Variants in ARPIN observed in about 807,000 individuals in gnomAD.
The protein encoded by ARPIN is actin related protein 2/3 complex inhibitor, also known as UPF0552 protein C15orf38.
In ARPIN, 23 loss-of-function variants were observed where a neutral mutation model predicts 25.9. The ratio of observed to expected loss-of-function variants is 0.89; its 90% CI spans 0.64 to 1.26. The LOEUF is 1.26. Among genes scored for constraint, ARPIN ranks in the 50% most tolerant of loss-of-function variants. ARPIN has a pLI of 0.00. For missense variants in ARPIN, 333 were observed against 312.2 expected (o/e 1.07, Z -0.50); for synonymous variants, 126 against 131.4 (o/e 0.96, Z 0.28).
intron 1 of ARPIN, chr15:89,912,191 T>G (rs1897236542): frequency 1.0e-6 from 1 of 985,276 alleles, no homozygotes. Flanking sequence ...TTTGTCTTTC[T>G]GTATCTGGCT....
rs2141911690 is a variant in ARPIN, at chr15:89,895,369, A to T, written c.*6426T>A. 1 of 152,344 alleles carries T rather than the reference A, an allele frequency of 6.6e-6. No individual in the cohort carries two copies. Among genetic ancestry groups the T allele is most frequent in the Middle Eastern group, 3.4e-3 (1 of 296 alleles). 9.4% of individuals were successfully genotyped at this position (152,344 alleles called of 1,614,324 possible). Reference sequence around the variant, plus strand: ...AGGCAAATACACCAAAATATGAATCATGTATCTGATGGAATGGCAGAGTCA... The same window carrying T: ...AGGCAAATACACCAAAATATGAATCTTGTATCTGATGGAATGGCAGAGTCA... On this transcript the variant is annotated 3_prime_UTR_variant, in exon 6 of 6. Transcript: ENST00000357484.
chr15:89,909,727 C>G (rs1009264825), intron 2 of ARPIN, among the ~76,000 whole-genome samples: 1 of 152,166 alleles, frequency 6.6e-6, no homozygotes, highest in Non-Finnish European at 1.5e-5. Flanking sequence ...TCAGGACAGG[C>G]TGAGGGCCCA....
At position 89,908,350 on chromosome 15, in the gene ARPIN, C is replaced by T. The variant is rs745830126; in HGVS notation, c.231G>A (p.Lys77=). ...TGAAGTTGGGCTCGATTTCATTTCC[C>T]TTGGCGTCGAATTTACGGCGATGGA... ...SHIHRRKFDA[K]GNEIEPNFSA... is the part of the protein sequence containing the mutation. The change falls in exon 3 of 6, where the codon AAG becomes AAA. Residue 77 remains lysine, a synonymous_variant. Coordinates refer to ENST00000357484, the MANE Select transcript of ARPIN (RefSeq NM_182616.4). 6.8e-6 allele frequency: 11 copies of T among 1,614,176 alleles called. No individual in the cohort carries two copies. Among genetic ancestry groups the T allele is most frequent in the Middle Eastern group, 1.6e-4 (1 of 6,062 alleles).
chr15:89,895,923 CTG>C lies in ARPIN; in HGVS notation c.*5870_*5871del, dbSNP rs1297161895. 1 of 152,342 alleles carries C rather than the reference CTG, an allele frequency of 6.6e-6. No homozygotes were observed. The highest frequency in any genetic ancestry group is 1.5e-5 in the Non-Finnish European group (1 of 68,276). 9.4% of individuals were successfully genotyped at this position (152,342 alleles called of 1,614,324 possible). ...TGTTTGTTTGAGATGGAGTCTCACT[CTG>C]TTGCCCAGGCTGGAGTGCAGTGGCA... On this transcript the variant is annotated 3_prime_UTR_variant, in exon 6 of 6. Coordinates refer to ENST00000357484, the MANE Select transcript of ARPIN (RefSeq NM_182616.4).
intron 3 of ARPIN, among the ~76,000 whole-genome samples, chr15:89,905,035 T>C (rs1897094921): frequency 6.6e-6 from 1 of 151,804 alleles, no homozygotes; most frequent in South Asian, 2.1e-4. Context: ...TTTTTTTTTT[T>C]TTTTGAGATG....
At chr15:89,907,022 G>A (rs1897131978) in intron 3 of ARPIN, among the ~76,000 whole-genome samples, 2 of 151,480 alleles carry the variant, frequency 1.3e-5, no homozygotes, top group African/African-American at 2.4e-5. Context: ...ATGGAGTATG[G>A]ACATAATGCC....
Position 89,903,209 on chromosome 15 carries a change from T to C in ARPIN, c.672+7A>G, listed in dbSNP as rs1897052395. ...GAGATACAACTGCACCAACACCAGG[T>C]ACCTACCCACTCCTCGTCCTCTGCC... On this transcript the variant is annotated splice_region_variant and intron_variant, in intron 5 of 5. Coordinates refer to ENST00000357484, the MANE Select transcript of ARPIN (RefSeq NM_182616.4). 5 of 1,614,126 alleles carry C rather than the reference T, an allele frequency of 3.1e-6. No individual in the cohort carries two copies. The highest frequency in any genetic ancestry group is 4.2e-6 in the Non-Finnish European group (5 of 1,180,026).
chr15:89,902,774 T>C (rs1897043805), intron 5 of ARPIN: 14 of 857,964 alleles, frequency 1.6e-5, no homozygotes, highest in Non-Finnish European at 2.0e-5. Context: ...GGGGACTGAC[T>C]CTCATCAAAA....
At chr15:89,911,192 CA>C (rs1897216822) in intron 1 of ARPIN, among the ~76,000 whole-genome samples, 1 of 152,194 alleles carries the variant, frequency 6.6e-6, no homozygotes, top group Admixed American at 6.5e-5. Flanking sequence ...TTACTAAATA[CA>C]AAAGATTTTA....
chr15:89,895,341 T>G lies in ARPIN; in HGVS notation c.*6454A>C, dbSNP rs1269449086. 1 of 152,194 alleles carries G rather than the reference T, an allele frequency of 6.6e-6. No homozygotes were observed. Among genetic ancestry groups the G allele is most frequent in the Non-Finnish European group, 1.5e-5 (1 of 68,046 alleles). The allele number at this position is 152,194 out of a possible 1,614,324, so 9.4% of individuals were successfully genotyped here. On this transcript the variant is annotated 3_prime_UTR_variant, in exon 6 of 6. Coordinates refer to ENST00000357484, the MANE Select transcript of ARPIN (RefSeq NM_182616.4). ...AGGGACAACCCACTTTGCTCAAGAT[T>G]GGAGGCAAATACACCAAAATATGAA...
In ARPIN at chr15:89,903,868, C is replaced by T. The variant is rs1219230421; in HGVS notation, c.417G>A (p.Ala139=). The T allele has an allele frequency of 5.6e-6, 9 of 1,614,038 alleles. No homozygotes were observed. The African/African-American group carries it at 8.0e-5, about 14-fold the overall frequency. Residue 139 remains alanine (A), a synonymous_variant, in exon 4 of 6, where the codon GCG becomes GCA. Coordinates refer to ENST00000357484, the MANE Select transcript of ARPIN (RefSeq NM_182616.4). The part of the protein sequence containing the change: ...TESLTPDHTV[A]FWMPESEMEV... ...CCATCTCTGACTCGGGCATCCAGAA[C>T]GCCACTGTGTGGTCGGGGGTGAGGC...
chr15:89,912,342 C>T (rs533894734), intron 1 of ARPIN: 149 of 1,009,790 alleles, frequency 1.5e-4, no homozygotes, highest in Middle Eastern at 4.9e-4. Flanking sequence ...GCCCGCTGTT[C>T]CCGCCACAGC....
At position 89,912,935 on chromosome 15, in the gene ARPIN, G is replaced by C. The variant is rs1897253671; in HGVS notation, c.-100C>G. On this transcript the variant is annotated 5_prime_UTR_variant, in exon 1 of 6. Transcript: ENST00000357484. ...GACGCGCGGGGACCCGCGATTCCCAGCCGGCGGATCCGGGAATGGCGCGGC... is the reference window on the plus strand; with the variant it reads ...GACGCGCGGGGACCCGCGATTCCCACCCGGCGGATCCGGGAATGGCGCGGC... The C allele has an allele frequency of 7.2e-7, 1 of 1,382,254 alleles. No homozygotes were observed. Among genetic ancestry groups the C allele is most frequent in the East Asian group, 3.0e-5 (1 of 33,250 alleles). 85.6% of individuals were successfully genotyped at this position (1,382,254 alleles called of 1,614,324 possible). A position where few individuals can be genotyped will look rare whatever the true frequency, so the allele number is the denominator to read the frequency against.
Position 89,903,779 on chromosome 15 carries a change from A to G in ARPIN, c.506T>C (p.Leu169Pro). Reference protein sequence around the residue: ...RLKTRGDGPFLDSLAKLEAGT... With the variant: ...RLKTRGDGPFPDSLAKLEAGT... ...ACAGTGAGGGTTGCATTGCTCACCC[A>G]GGAAGGGACCATCGCCCCGAGTCTT... is the stretch of plus-strand genomic sequence containing the variant. Residue 169 changes from leucine to proline, a missense_variant and splice_region_variant, in exon 4 of 6, where the codon CTG (leucine) becomes CCG (proline). By Grantham distance (98) the Leu-to-Pro change is moderately conservative. Transcript: ENST00000357484. The G allele has an allele frequency of 1.9e-6, 3 of 1,614,190 alleles. No homozygotes were observed. In the East Asian group the frequency reaches 6.7e-5, roughly 36 times the overall value.
chr15:89,912,666 C>CTGGG, intron 1 of ARPIN, 78 bp downstream of exon 1: 3 of 498,314 alleles, frequency 6.0e-6, no homozygotes, highest in Non-Finnish European at 7.8e-6. Flanking sequence ...ACCCGCATCC[C>CTGGG]ACCCCCCCAC....
intron 3 of ARPIN, among the ~76,000 whole-genome samples, chr15:89,907,858 T>C (rs1429871291): frequency 6.6e-6 from 1 of 152,024 alleles, no homozygotes; most frequent in Non-Finnish European, 1.5e-5. Context: ...AACAAACACA[T>C]TTCTATTGTT....
At chr15:89,903,478 C>A in intron 4 of ARPIN, 99 bp from the exon 5 acceptor site, 1 of 1,555,912 alleles carries the variant, frequency 6.4e-7, no homozygotes, top group Non-Finnish European at 8.7e-7. Context: ...CTGGGTTAAA[C>A]CACTGTTTTC....
At position 89,903,225 on chromosome 15, in the gene ARPIN, G is replaced by C; in HGVS notation, c.663C>G (p.Asp221Glu). The C allele has an allele frequency of 6.2e-7, 1 of 1,614,072 alleles. No homozygotes were observed. The highest frequency in any genetic ancestry group is 8.5e-7 in the Non-Finnish European group (1 of 1,180,008). Residue 221 changes from aspartate to glutamate, a missense_variant, in exon 5 of 6, where the codon GAC (aspartate) becomes GAG (glutamate). By Grantham distance (45) the Asp-to-Glu change is conservative. Coordinates refer to ENST00000357484, the MANE Select transcript of ARPIN (RefSeq NM_182616.4). The part of the protein sequence containing the change: ...EIREQGDGAE[D>E]EEWDD ...AACACCAGGTACCTACCCACTCCTC[G>C]TCCTCTGCCCCATCCCCCTGCTCTC...
chr15:89,898,798 A>T lies in ARPIN; in HGVS notation c.*2997T>A, dbSNP rs1195423379. On this transcript the variant is annotated 3_prime_UTR_variant, in exon 6 of 6. Coordinates refer to ENST00000357484, the MANE Select transcript of ARPIN (RefSeq NM_182616.4). ...CTAGCTTCCAAAAGCTGCCCCTACCAGCCACATGGGGGCCCCTGAAAGCAG... is the reference window on the plus strand; with the variant it reads ...CTAGCTTCCAAAAGCTGCCCCTACCTGCCACATGGGGGCCCCTGAAAGCAG... The T allele has an allele frequency of 6.6e-6, 1 of 152,208 alleles. No homozygotes were observed. The highest frequency in any genetic ancestry group is 2.4e-5 in the African/African-American group (1 of 41,442). 9.4% of individuals were successfully genotyped at this position (152,208 alleles called of 1,614,324 possible). A position where few individuals can be genotyped will look rare whatever the true frequency, so the allele number is the denominator to read the frequency against.
Sources: gnomAD v4.1 joint callset for allele counts (sites outside exome capture counted in the v4.1 genomes callset) on GRCh38, gnomAD v4.1.1 for gene constraint, MANE v1.5 for transcripts, NCBI Gene and HGNC (gene_info 2026-07-23, HGNC 2026-07-21) for gene names.